USP30: variants seen among roughly 807,000 people sequenced by gnomAD.
The protein encoded by USP30 is ubiquitin specific peptidase 30.
Under a neutral mutation model 68.2 loss-of-function variants are expected in USP30, and 41 were observed. The observed-to-expected ratio is 0.60, with a 90% confidence interval of 0.47 to 0.78. The LOEUF is 0.78. USP30 is among the 30% of genes least tolerant of loss of function. The probability of loss-of-function intolerance (pLI) is 0.00; values close to 1 mark genes in which losing one functional copy is unlikely to be tolerated. For missense variants in USP30, 522 were observed against 649.4 expected, an observed-to-expected ratio of 0.80 and a Z score of 2.13; for synonymous variants, 229 against 253.7, an observed-to-expected ratio of 0.90 and a Z score of 0.93.
chr12:109,053,321 G>C (rs2135697050), intron 1 of USP30, among the ~76,000 whole-genome samples: 1 of 152,252 alleles, frequency 6.6e-6, no homozygotes, highest in African/African-American at 2.4e-5. Flanking sequence ...GATGTTGTTA[G>C]TGTGAGTAAA....
chr12:109,051,325 C>CAG (rs1207458945), upstream of USP30, among the ~76,000 whole-genome samples: 1 of 134,154 alleles, frequency 7.5e-6, no homozygotes, highest in African/African-American at 2.8e-5. Flanking sequence ...GGTGTGATCT[C>CAG]AGCTCACTGC....
upstream of USP30, among the ~76,000 whole-genome samples, chr12:109,048,456 AG>A (rs1415988595): frequency 3.3e-5 from 3 of 92,102 alleles, no homozygotes; most frequent in Admixed American, 1.2e-4. Context: ...AGGGGGGTGG[AG>A]GGGGGTGAGT....
At chr12:109,056,038 G>A (rs1352955624) in intron 1 of USP30, among the ~76,000 whole-genome samples, 4 of 152,172 alleles carry the variant, frequency 2.6e-5, no homozygotes, top group South Asian at 2.1e-4. Context: ...GGGAACAGCA[G>A]TGCAAACGCC....
chr12:109,067,476 T>C, intron 3 of USP30, 48 bp from the exon 4 acceptor site: 1 of 1,532,170 alleles, frequency 6.5e-7, no homozygotes, highest in African/African-American at 1.4e-5. Flanking sequence ...TTCTGGTTAG[T>C]TGTTATGCTG....
chr12:109,063,338 T>G (rs1238055855), intron 3 of USP30, among the ~76,000 whole-genome samples: 1 of 152,186 alleles, frequency 6.6e-6, no homozygotes, highest in Non-Finnish European at 1.5e-5. Flanking sequence ...TGACTTCAAG[T>G]GATCTGCCCA....
intron 2 of USP30, among the ~76,000 whole-genome samples, chr12:109,025,919 C>T (rs749212022): frequency 1.3e-5 from 2 of 152,126 alleles, no homozygotes; most frequent in African/African-American, 2.4e-5. Flanking sequence ...AACTCCTGGG[C>T]TCAAGGGATC....
At chr12:109,057,485 ATTG>A (rs2040913905) in intron 2 of USP30, among the ~76,000 whole-genome samples, 1 of 152,216 alleles carries the variant, frequency 6.6e-6, no homozygotes, top group Non-Finnish European at 1.5e-5. Flanking sequence ...TTTCCCAGTG[ATTG>A]TTAAGATAAG....
chr12:109,035,827 T>C (rs2040515015), intron 3 of USP30, among the ~76,000 whole-genome samples: 2 of 152,244 alleles, frequency 1.3e-5, no homozygotes, highest in African/African-American at 2.4e-5. Flanking sequence ...TATTGCTTTA[T>C]GTGGTTGTCT....
At chr12:109,029,408 G>C (rs1190390290) in intron 3 of USP30, among the ~76,000 whole-genome samples, 3 of 152,192 alleles carry the variant, frequency 2.0e-5, no homozygotes, top group African/African-American at 7.2e-5. Flanking sequence ...CTGTGTCTCT[G>C]TCTTGCTTAT....
chr12:109,024,035 G>C (rs776634874), intron 1 of USP30, among the ~76,000 whole-genome samples: 7 of 152,268 alleles, frequency 4.6e-5, no homozygotes, highest in Non-Finnish European at 7.4e-5. Context: ...AGCAGGCTCA[G>C]TCCTGGGGAC....
intron 11 of USP30, 42 bp from the exon 12 acceptor site, chr12:109,084,911 C>T: frequency 6.6e-7 from 1 of 1,508,858 alleles, no homozygotes; most frequent in Non-Finnish European, 8.9e-7. Context: ...GTTTACAGAG[C>T]CACTGCTAAT....
Position 109,085,786 on chromosome 12 carries a change from G to A in USP30, c.1409G>A (p.Ser470Asn). 3 of 1,614,176 alleles carry A rather than the reference G, an allele frequency of 1.9e-6. No homozygotes were observed. The highest frequency in any genetic ancestry group is 2.5e-6 in the Non-Finnish European group (3 of 1,180,040). ...TCTGCCAGGAACCCTCTCTCAACTA[G>A]CAATCAGTGGCTGTGGGTCTCCGAT... Reference protein sequence around the residue: ...PPSARNPLSTSNQWLWVSDDT... With the variant: ...PPSARNPLSTNNQWLWVSDDT... Residue 470 changes from serine to asparagine, a missense_variant, in exon 13 of 13, where the codon AGC (serine) becomes AAC (asparagine). By Grantham distance (46) the Ser-to-Asn change is conservative. Transcript: ENST00000257548.
At chr12:109,067,364 A>G (rs2041290713) in intron 3 of USP30, among the ~76,000 whole-genome samples, 160 bp from the exon 4 acceptor site, 1 of 151,720 alleles carries the variant, frequency 6.6e-6, no homozygotes. Flanking sequence ...TAATCTGCCC[A>G]CTTCGGCCTC....
In USP30 at chr12:109,056,806, A is replaced by G. The variant is rs1031151414; in HGVS notation, c.193+15A>G. 2.2e-5 allele frequency: 34 copies of G among 1,574,634 alleles called. No individual in the cohort carries two copies. The highest frequency in any genetic ancestry group is 2.9e-5 in the Non-Finnish European group (33 of 1,152,122). The stretch of plus-strand genomic sequence containing the variant: ...GCGTAGAAAAGGTAAGAATGAGAAC[A>G]CTGCATCATGGTCTGTAGACTTGAC... On this transcript the variant is annotated intron_variant, in intron 2 of 12. Coordinates refer to ENST00000257548, the MANE Select transcript of USP30 (RefSeq NM_032663.5).
rs1405396407 is a variant in USP30 at position 109,070,938 on chromosome 12, T to C, written c.481-674T>C. ...ACAAAACTTTCATACAATGGAATAT[T>C]ATTCAGCCTTAAAAAGGAAGGAAAT... is the stretch of plus-strand genomic sequence containing the variant. On this transcript the variant is annotated intron_variant, in intron 4 of 12. Transcript: ENST00000257548. The surrounding 1 kb of genome is among the most constrained non-coding windows in gnomAD (Gnocchi z 4.0). Among the ~76,000 whole-genome samples, 2 of 152,210 alleles carry C rather than the reference T, an allele frequency of 1.3e-5. No individual in the cohort carries two copies. Among genetic ancestry groups the C allele is most frequent in the Non-Finnish European group, 2.9e-5 (2 of 68,040 alleles).
intron 7 of USP30, among the ~76,000 whole-genome samples, chr12:109,076,127 A>G (rs956175882): frequency 2.6e-5 from 4 of 152,184 alleles, no homozygotes; most frequent in Admixed American, 6.5e-5. Context: ...ACTGTAATCT[A>G]TAAGTTGACT....
At chr12:109,068,048 G>A (rs1055437187) in intron 4 of USP30, among the ~76,000 whole-genome samples, 4 of 152,094 alleles carry the variant, frequency 2.6e-5, no homozygotes, top group Non-Finnish European at 5.9e-5. Context: ...AAAGTAGCCC[G>A]AAACCTCAAG....
chr12:109,052,819 G>T, intron 1 of USP30, 58 bp downstream of exon 1: 1 of 1,385,238 alleles, frequency 7.2e-7, no homozygotes, highest in East Asian at 2.9e-5. Context: ...CCCAGCTTGG[G>T]CCCGTGACGG....
chr12:109,042,863 A>C lies in USP30; in HGVS notation c.-135-4727A>C, dbSNP rs189957879. ...ATATGCAGAAAACCTTAAAGAGTCC[A>C]GAAAAAAGCTGTTAGAACTAATAAA... On this transcript the variant is annotated intron_variant, in intron 3 of 15. Transcript: ENST00000392784. Among the ~76,000 whole-genome samples, 30 of 152,338 alleles carry C rather than the reference A, an allele frequency of 2.0e-4. 1 individual carries two copies. The highest frequency in any genetic ancestry group is 4.6e-4 in the Admixed American group (7 of 15,306).
Sources: gnomAD v4.1 joint callset for allele counts (sites outside exome capture counted in the v4.1 genomes callset) on GRCh38, gnomAD v4.1.1 for gene constraint, Gnocchi (gnomAD v3.1) non-coding constraint, MANE v1.5 for transcripts, NCBI Gene and HGNC (gene_info 2026-07-23, HGNC 2026-07-21) for gene names.